The following DCAF1 variants were observed in gnomAD, a reference collection of about 807,000 sequenced individuals.
The protein encoded by DCAF1 is DDB1 and CUL4 associated factor 1, also known as DDB1- and CUL4-associated factor 1.
A neutral mutation model predicts 128.0 loss-of-function variants in DCAF1; 15 were observed. The observed-to-expected ratio is 0.12, with a 90% CI of 0.08 to 0.18. The LOEUF (loss-of-function observed/expected upper bound fraction) is 0.18, where lower values mean the gene tolerates loss of function less well. DCAF1 is among the 10% of genes least tolerant of loss of function. DCAF1 has a pLI of 1.00. For missense variants in DCAF1, 988 were observed against 1,649.5 expected (o/e 0.60, Z 6.95); for synonymous variants, 610 against 603.0 (o/e 1.01, Z -0.17).
chr3:51,471,603 C>T (rs1160189576), intron 3 of DCAF1, among the ~76,000 whole-genome samples: 1 of 152,096 alleles, frequency 6.6e-6, no homozygotes, highest in Non-Finnish European at 1.5e-5. Flanking sequence ...CATGATGGCT[C>T]ACGCCTGTAA....
intron 2 of DCAF1, among the ~76,000 whole-genome samples, chr3:51,489,920 G>A (rs192367524): frequency 1.0e-3 from 159 of 151,900 alleles, no homozygotes; most frequent in South Asian, 3.5e-3. Context: ...ACATAATCCT[G>A]TATACAGAAA....
intron 9 of DCAF1, 40 bp downstream of exon 9, chr3:51,440,930 T>A (rs1371830489): frequency 1.3e-6 from 2 of 1,532,366 alleles, no homozygotes; most frequent in Non-Finnish European, 1.8e-6. Flanking sequence ...ACAAAGTTTT[T>A]AAAAAATCCC....
chr3:51,450,079 C>T (rs1206432554), intron 6 of DCAF1, among the ~76,000 whole-genome samples: 2 of 152,178 alleles, frequency 1.3e-5, no homozygotes, highest in African/African-American at 4.8e-5. Flanking sequence ...GGTATGGCGG[C>T]TTATGCCTGT....
chr3:51,502,308 G>A (rs2108656241), upstream of DCAF1, among the ~76,000 whole-genome samples: 1 of 152,294 alleles, frequency 6.6e-6, no homozygotes, highest in East Asian at 1.9e-4. Flanking sequence ...GAGGGGCTGA[G>A]AATCTCTTGA....
chr3:51,435,845 A>C (rs1250780052), intron 9 of DCAF1, among the ~76,000 whole-genome samples: 2 of 152,214 alleles, frequency 1.3e-5, no homozygotes, highest in Admixed American at 1.3e-4. Context: ...GCCCATAAAA[A>C]ACACTCAATA....
chr3:51,433,620 T>A (rs2107590936), intron 9 of DCAF1, among the ~76,000 whole-genome samples: 1 of 151,380 alleles, frequency 6.6e-6, no homozygotes, highest in South Asian at 2.1e-4. Context: ...CGCCACCACG[T>A]CCAGCTAATT....
intron 4 of DCAF1, among the ~76,000 whole-genome samples, chr3:51,470,372 G>A (rs1410182364): frequency 1.3e-5 from 2 of 152,162 alleles, no homozygotes; most frequent in African/African-American, 4.8e-5. Flanking sequence ...ACCAACTTGG[G>A]CAGCAAAGCA....
intron 6 of DCAF1, among the ~76,000 whole-genome samples, chr3:51,451,964 G>A (rs1702400523): frequency 6.6e-6 from 1 of 151,944 alleles, no homozygotes; most frequent in Non-Finnish European, 1.5e-5. Context: ...TACATATAAT[G>A]TATGGACTGG....
In DCAF1 at chr3:51,459,286, C is replaced by T. The variant is rs545787471; in HGVS notation, c.375+3828G>A. 2.8e-3 allele frequency among the ~76,000 whole-genome samples: 423 copies of T among 152,280 alleles called. 3 individuals carry two copies. Among genetic ancestry groups the T allele is most frequent in the Non-Finnish European group, 4.4e-3 (299 of 68,008 alleles). ...AGAGAATACTATAAACACCTCTACA[C>T]AAATAAACTAGAAAATCAAGAAGAA... On this transcript the variant is annotated intron_variant, in intron 6 of 24. Coordinates refer to ENST00000684031, the MANE Select transcript of DCAF1 (RefSeq NM_001387579.1).
At chr3:51,410,485 G>A (rs748237925) in intron 23 of DCAF1, among the ~76,000 whole-genome samples, 2 of 85,414 alleles carry the variant, frequency 2.3e-5, no homozygotes, top group Non-Finnish European at 2.6e-5. Flanking sequence ...CTCATATCCT[G>A]TAATGGCCAA....
intron 23 of DCAF1, among the ~76,000 whole-genome samples, chr3:51,411,614 AATCTT>A (rs1414760236): frequency 1.3e-4 from 20 of 152,360 alleles, no homozygotes; most frequent in African/African-American, 4.8e-4. Flanking sequence ...AAAGTATCAA[AATCTT>A]ATCTTACCTA....
At chr3:51,406,203 T>G (rs1476940960) in intron 23 of DCAF1, among the ~76,000 whole-genome samples, 3 of 150,712 alleles carry the variant, frequency 2.0e-5, no homozygotes, top group Non-Finnish European at 4.4e-5. Context: ...ATTTGCTGGG[T>G]GTGGTGATGG....
chr3:51,415,360 T>C (rs1358581721), intron 18 of DCAF1, among the ~76,000 whole-genome samples: 2 of 152,076 alleles, frequency 1.3e-5, no homozygotes, highest in Admixed American at 6.6e-5. Flanking sequence ...CCAGGTGTGA[T>C]GGTGCTCGCC....
chr3:51,418,231 G>A (rs369553938), intron 16 of DCAF1, 33 bp from the exon 17 acceptor site: 19 of 1,585,330 alleles, frequency 1.2e-5, no homozygotes, highest in Admixed American at 9.2e-5. Context: ...GGGTAACCAC[G>A]TATTTACATA....
intron 1 of DCAF1, among the ~76,000 whole-genome samples, chr3:51,498,376 G>GAAAAAAA (rs1175129153): frequency 6.4e-5 from 5 of 77,848 alleles, no homozygotes; most frequent in Admixed American, 1.1e-4. Context: ...AAAGAAAAAA[G>GAAAAAAA]AAAAAAAAAA....
intron 1 of DCAF1, among the ~76,000 whole-genome samples, chr3:51,499,312 T>C (rs1050610236): frequency 2.0e-5 from 3 of 152,068 alleles, no homozygotes; most frequent in East Asian, 1.9e-4. Context: ...CCCTCTTTCA[T>C]GGGGATGGGA....
intron 24 of DCAF1, 106 bp downstream of exon 24, chr3:51,403,036 TG>T: frequency 6.8e-7 from 1 of 1,473,880 alleles, no homozygotes. Context: ...AATCAAATTA[TG>T]GGGCACAGAA....
chr3:51,414,919 G>A, intron 18 of DCAF1, 62 bp from the exon 19 acceptor site: 1 of 1,549,112 alleles, frequency 6.5e-7, no homozygotes, highest in Non-Finnish European at 8.7e-7. Context: ...ACAAATTAAA[G>A]AGAAAATGTG....
chr3:51,475,613 G>C (rs1398026720), intron 3 of DCAF1, among the ~76,000 whole-genome samples: 1 of 152,228 alleles, frequency 6.6e-6, no homozygotes, highest in Non-Finnish European at 1.5e-5. Flanking sequence ...CGTAATCCCA[G>C]CACTTTGGGA....
Sources: gnomAD v4.1 joint callset for allele counts (sites outside exome capture counted in the v4.1 genomes callset) on GRCh38, gnomAD v4.1.1 for gene constraint, MANE v1.5 for transcripts, NCBI Gene and HGNC (gene_info 2026-07-23, HGNC 2026-07-21) for gene names.